The following DGKK variants were observed in gnomAD, a reference collection of about 807,000 sequenced individuals.
The protein encoded by DGKK is diacylglycerol kinase kappa.
DGKK carries 35 observed loss-of-function variants against 92.2 expected under a neutral mutation model. The ratio of observed to expected loss-of-function variants is 0.38; its 90% CI spans 0.29 to 0.50. DGKK has a LOEUF of 0.50. Among genes scored for constraint, DGKK ranks in the 20% least tolerant of loss-of-function variants. The pLI is 0.92. For missense variants in DGKK, 910 were observed against 992.2 expected (o/e 0.92, Z 1.11); for synonymous variants, 368 against 360.6 (o/e 1.02, Z -0.23).
rs540040775 is a variant in DGKK, at chrX:50,458,713, C to T, written c.645+11321G>A. Among the ~76,000 whole-genome samples, 73 of 110,768 alleles carry T rather than the reference C, an allele frequency of 6.6e-4. No homozygotes were observed. In the South Asian group the frequency reaches 0.026, roughly 40 times the overall value. ...AATCAGGTGATATACAAAATTTTGT[C>T]GGTTGCGTTTATTTATTTATTTTTC... On this transcript the variant is annotated intron_variant, in intron 1 of 27. Transcript: ENST00000611977.
At chrX:50,461,220 G>A (rs1557233308) in intron 1 of DGKK, among the ~76,000 whole-genome samples, 1 of 112,089 alleles carries the variant, frequency 8.9e-6, no homozygotes, top group Middle Eastern at 4.6e-3. Flanking sequence ...TCAGACAGGA[G>A]TTTGACTAGA....
At chrX:50,453,342 T>C (rs1427114418) in intron 1 of DGKK, among the ~76,000 whole-genome samples, 1 of 111,639 alleles carries the variant, frequency 9.0e-6, no homozygotes, top group Non-Finnish European at 1.9e-5. Flanking sequence ...TAAATGAATA[T>C]CGCTAATTAC....
intron 1 of DGKK, among the ~76,000 whole-genome samples, chrX:50,452,270 G>A (rs1460278889): frequency 1.8e-5 from 2 of 111,772 alleles, no homozygotes; most frequent in East Asian, 2.8e-4. Context: ...CCCTCACACC[G>A]TACTTTCTGT....
intron 1 of DGKK, among the ~76,000 whole-genome samples, chrX:50,440,687 A>G (rs1926150696): frequency 9.0e-6 from 1 of 111,377 alleles, no homozygotes; most frequent in Non-Finnish European, 1.9e-5. Context: ...GCTCATGGCT[A>G]TATGGGATGA....
intron 1 of DGKK, among the ~76,000 whole-genome samples, chrX:50,428,195 A>AATTATTATTATT (rs10665078): frequency 7.6e-5 from 8 of 105,363 alleles, no homozygotes; most frequent in African/African-American, 2.8e-4. Context: ...TCCAATAATA[A>AATTATTATTATT]ATTATTATTA....
At position 50,379,629 on chromosome X, in the gene DGKK, T is replaced by C. The variant is rs1557224228; in HGVS notation, c.2860A>G (p.Thr954Ala). The C allele has an allele frequency of 8.3e-7, 1 of 1,204,070 alleles. No individual in the cohort carries two copies. The highest frequency in any genetic ancestry group is 1.8e-5 in the South Asian group (1 of 56,778). Residue 954 changes from threonine (T) to alanine (A), a missense_variant and splice_region_variant, in exon 20 of 28, where the codon ACG (threonine) becomes GCG (alanine). By Grantham distance (58) the Thr-to-Ala change is moderately conservative. Coordinates refer to ENST00000611977, the MANE Select transcript of DGKK (RefSeq NM_001013742.4). ...INFWGSNTAT[T>A]EYEAPAIDDG... is the part of the protein sequence containing the mutation. ...CCCATTCCTTGTTCCATACTAACCG[T>C]GGTTGCTGTGTTGCTTCCCCAGAAG...
intron 12 of DGKK, 133 bp downstream of exon 12, chrX:50,390,195 G>A (rs1040606836): frequency 4.0e-5 from 21 of 530,344 alleles, no homozygotes; most frequent in Non-Finnish European, 6.6e-5. Flanking sequence ...AATAGCTGCT[G>A]ACTGACATGT....
Position 50,368,878 on chromosome X carries a change from G to C in DGKK, c.*62C>G, listed in dbSNP as rs1924037645. On this transcript the variant is annotated 3_prime_UTR_variant, in exon 28 of 28. Transcript: ENST00000611977. ...GAAATGATTTAGTCTAGCCTGTATTGAGGTTTTGAGAGTTTTTTTAGTAGA... is the reference window on the plus strand; with the variant it reads ...GAAATGATTTAGTCTAGCCTGTATTCAGGTTTTGAGAGTTTTTTTAGTAGA... The C allele has an allele frequency of 1.0e-6, 1 of 973,781 alleles. No homozygotes were observed. Among genetic ancestry groups the C allele is most frequent in the African/African-American group, 1.9e-5 (1 of 52,000 alleles). 80.3% of individuals were successfully genotyped at this position (973,781 alleles called of 1,213,427 possible). A position where few individuals can be genotyped will look rare whatever the true frequency, so the allele number is the denominator to read the frequency against.
In DGKK at chrX:50,367,396, G is replaced by A. The variant is rs782638511; in HGVS notation, c.*1544C>T. ...AAAAATGTGAATTAGTATTTGGAGCGATTTAGGAATAGTTTGTTTTCATGA... is the reference window on the plus strand; with the variant it reads ...AAAAATGTGAATTAGTATTTGGAGCAATTTAGGAATAGTTTGTTTTCATGA... On this transcript the variant is annotated 3_prime_UTR_variant, in exon 28 of 28. Transcript: ENST00000611977. The A allele has an allele frequency of 9.0e-5, 10 of 111,680 alleles. No homozygotes were observed. The East Asian group carries it at 2.0e-3, about 22-fold the overall frequency. 9.2% of individuals were successfully genotyped at this position (111,680 alleles called of 1,213,427 possible). A position where few individuals can be genotyped will look rare whatever the true frequency, so the allele number is the denominator to read the frequency against.
At chrX:50,438,822 C>A (rs1557231045) in intron 1 of DGKK, among the ~76,000 whole-genome samples, 1 of 111,576 alleles carries the variant, frequency 9.0e-6, no homozygotes, top group African/African-American at 3.3e-5. Flanking sequence ...TCAAGGGAAG[C>A]CAAGGCATAA....
At chrX:50,430,112 G>A (rs1557230147) in intron 1 of DGKK, among the ~76,000 whole-genome samples, 2 of 112,198 alleles carry the variant, frequency 1.8e-5, no homozygotes, top group Non-Finnish European at 3.8e-5. Context: ...TAAAACATTT[G>A]TCAGAAGAAC....
At position 50,386,567 on chromosome X, in the gene DGKK, C is replaced by T; in HGVS notation, c.2138G>A (p.Arg713Lys). The T allele has an allele frequency of 8.3e-7, 1 of 1,209,245 alleles. No homozygotes were observed. Among genetic ancestry groups the T allele is most frequent in the Non-Finnish European group, 1.1e-6 (1 of 894,164 alleles). ...CAGGACATCGATCAGGACACTGAGC[C>T]TATCATACATTAAGTCACTCTATAT... ...VILKSDLMYD[R>K]LSVLIDVLAE... The change falls in exon 15 of 28, where the codon AGG (arginine) becomes AAG (lysine). Residue 713 changes from arginine to lysine, a missense_variant. Transcript: ENST00000611977.
At chrX:50,437,412 G>A (rs1926057846) in intron 1 of DGKK, among the ~76,000 whole-genome samples, 1 of 111,388 alleles carries the variant, frequency 9.0e-6, no homozygotes, top group Non-Finnish European at 1.9e-5. Flanking sequence ...CTCCCTGCAG[G>A]CAAACACCTG....
At position 50,420,278 on chromosome X, in the gene DGKK, T is replaced by A. The variant is rs1348928040; in HGVS notation, c.942+125A>T. ...AATAATTCTAAAGAGGTTTTCTGTC[T>A]ATAATTCCTAAACAGGTGGTCTCTG... is the stretch of plus-strand genomic sequence containing the variant. On this transcript the variant is annotated intron_variant, in intron 4 of 27. Coordinates refer to ENST00000611977, the MANE Select transcript of DGKK (RefSeq NM_001013742.4). The A allele has an allele frequency of 1.4e-5, 8 of 581,922 alleles. No individual in the cohort carries two copies. The Admixed American group carries it at 1.8e-4, about 13-fold the overall frequency. The allele number at this position is 581,922 out of a possible 1,213,427, so 48.0% of individuals were successfully genotyped here.
At chrX:50,454,711 A>C (rs1048101810) in intron 1 of DGKK, among the ~76,000 whole-genome samples, 11 of 111,320 alleles carry the variant, frequency 9.9e-5, no homozygotes, top group South Asian at 3.8e-4. Flanking sequence ...AGTTGATCTC[A>C]AGTCCATCAG....
chrX:50,399,521 C>T (rs1263080775), intron 8 of DGKK, among the ~76,000 whole-genome samples: 8 of 111,914 alleles, frequency 7.1e-5, no homozygotes, highest in Non-Finnish European at 1.3e-4. Flanking sequence ...GTGGATATCC[C>T]ACACGTCAGA....
At chrX:50,402,494 T>A (rs2147129009) in intron 7 of DGKK, among the ~76,000 whole-genome samples, 1 of 111,969 alleles carries the variant, frequency 8.9e-6, no homozygotes, top group Non-Finnish European at 1.9e-5. Flanking sequence ...TCTTGCTTAC[T>A]GGCTGAATGA....
intron 1 of DGKK, among the ~76,000 whole-genome samples, chrX:50,441,515 C>T (rs1219556068): frequency 1.8e-5 from 2 of 111,467 alleles, no homozygotes; most frequent in East Asian, 2.8e-4. Context: ...GGCAAAATTC[C>T]GTGTATAAAA....
At chrX:50,421,735 C>A (rs1174074238) in intron 3 of DGKK, among the ~76,000 whole-genome samples, 7 of 111,643 alleles carry the variant, frequency 6.3e-5, no homozygotes, top group African/African-American at 2.0e-4. Context: ...GGAACATGAA[C>A]CAACTATGGA....
Sources: allele counts gnomAD v4.1 joint callset (sites outside exome capture counted in the v4.1 genomes callset), GRCh38; gene constraint gnomAD v4.1.1; transcripts MANE v1.5; gene names NCBI Gene and HGNC (gene_info 2026-07-23, HGNC 2026-07-21).